PRKG1: variants seen among roughly 807,000 people sequenced by gnomAD.
The protein encoded by PRKG1 is cGMP-dependent protein kinase 1.
A neutral mutation model predicts 88.1 loss-of-function variants in PRKG1; 35 were observed. That is an observed-to-expected ratio of 0.40 (90% CI 0.30 to 0.53). The LOEUF (loss-of-function observed/expected upper bound fraction) is 0.53. PRKG1 is among the 20% of genes least tolerant of loss of function. The probability of loss-of-function intolerance (pLI) is 0.59; values close to 1 mark genes in which losing one functional copy is unlikely to be tolerated. For missense variants in PRKG1, 540 were observed against 839.8 expected (o/e 0.64, Z 4.41); for synonymous variants, 303 against 292.5 (o/e 1.04, Z -0.37).
Position 51,644,531 on chromosome 10 carries a change from A to G in PRKG1, c.593-160054A>G, listed in dbSNP as rs112655565. Among the ~76,000 whole-genome samples, 350 of 152,204 alleles carry G rather than the reference A, an allele frequency of 2.3e-3. 2 individuals carry two copies. Among genetic ancestry groups the G allele is most frequent in the African/African-American group, 7.6e-3 (315 of 41,520 alleles). On this transcript the variant is annotated intron_variant, in intron 3 of 17. Coordinates refer to ENST00000373980, the MANE Select transcript of PRKG1 (RefSeq NM_006258.4). ...TAATGCCTGAATTGTTCCAACTTAG[A>G]CCAGTGGGAGCCTATTCAAGTTTTA...
chr10:51,663,848 A>G (rs1041341110), intron 3 of PRKG1, among the ~76,000 whole-genome samples: 9 of 152,076 alleles, frequency 5.9e-5, no homozygotes, highest in African/African-American at 2.2e-4. Flanking sequence ...TCAAGGAAAC[A>G]TTGAAAATAT....
intron 9 of PRKG1, among the ~76,000 whole-genome samples, chr10:52,163,259 G>C (rs2132691243): frequency 6.7e-6 from 1 of 148,816 alleles, no homozygotes; most frequent in East Asian, 2.0e-4. Context: ...ATTCAGTTAA[G>C]GGTCTCATTG....
chr10:51,486,734 A>G (rs1267456509), intron 3 of PRKG1, among the ~76,000 whole-genome samples: 1 of 152,150 alleles, frequency 6.6e-6, no homozygotes, highest in Non-Finnish European at 1.5e-5. Flanking sequence ...TTCTTAGTAT[A>G]CTTTACCATC....
intron 3 of PRKG1, among the ~76,000 whole-genome samples, chr10:51,611,054 T>TTA (rs1554825556): frequency 1.4e-5 from 2 of 145,618 alleles, no homozygotes; most frequent in African/African-American, 5.0e-5. Flanking sequence ...AACTTACAGT[T>TTA]AAAAAAAAAA....
chr10:51,247,441 TGAG>T (rs1341559038), intron 2 of PRKG1, among the ~76,000 whole-genome samples: 6 of 151,928 alleles, frequency 3.9e-5, no homozygotes, highest in African/African-American at 7.2e-5. Flanking sequence ...CATATGCATA[TGAG>T]GAGAAGGAAA....
intron 2 of PRKG1, among the ~76,000 whole-genome samples, chr10:51,221,763 T>C (rs1049691200): frequency 4.6e-5 from 7 of 151,996 alleles, no homozygotes; most frequent in Non-Finnish European, 1.0e-4. Context: ...AAGGTAGTTA[T>C]CTAGTCCAAC....
intron 2 of PRKG1, among the ~76,000 whole-genome samples, chr10:51,399,749 AT>A (rs371757725): frequency 1.3e-5 from 2 of 151,762 alleles, no homozygotes; most frequent in Admixed American, 1.3e-4. Flanking sequence ...GTCAATGCAG[AT>A]TTTTTTTTGA....
intron 2 of PRKG1, among the ~76,000 whole-genome samples, chr10:51,281,953 T>C (rs912304268): frequency 2.0e-5 from 3 of 152,156 alleles, no homozygotes; most frequent in African/African-American, 4.8e-5. Flanking sequence ...GCATTTTTCA[T>C]AGTGGTGCTG....
chr10:52,070,989 C>T (rs1342001431), intron 7 of PRKG1, among the ~76,000 whole-genome samples: 2 of 151,984 alleles, frequency 1.3e-5, no homozygotes, highest in African/African-American at 4.8e-5. Flanking sequence ...TAGTGCTTGC[C>T]ACATAGGGTC....
At chr10:52,065,210 C>A (rs566503447) in intron 7 of PRKG1, among the ~76,000 whole-genome samples, 107 of 152,218 alleles carry the variant, frequency 7.0e-4, no homozygotes, top group Non-Finnish European at 3.2e-4. Flanking sequence ...TCTCAGTTAT[C>A]ATTAAATATA....
At chr10:51,485,835 T>C (rs1840517275) in intron 3 of PRKG1, among the ~76,000 whole-genome samples, 1 of 152,202 alleles carries the variant, frequency 6.6e-6, no homozygotes, top group African/African-American at 2.4e-5. Context: ...ACATCTTAAA[T>C]GTGCTATAGT....
At chr10:52,122,352 A>C (rs879047629) in intron 7 of PRKG1, among the ~76,000 whole-genome samples, 1 of 152,218 alleles carries the variant, frequency 6.6e-6, no homozygotes, top group African/African-American at 2.4e-5. Context: ...CTGTTGCATT[A>C]GTGATTAAGT....
intron 5 of PRKG1, among the ~76,000 whole-genome samples, chr10:52,029,112 G>A (rs568346872): frequency 9.2e-5 from 14 of 152,254 alleles, no homozygotes; most frequent in South Asian, 2.1e-4. Flanking sequence ...CTAATAGAGC[G>A]GGCTGGACTT....
intron 3 of PRKG1, among the ~76,000 whole-genome samples, chr10:51,507,302 A>T (rs1841248969): frequency 6.6e-6 from 1 of 151,894 alleles, no homozygotes; most frequent in Non-Finnish European, 1.5e-5. Flanking sequence ...AAAGTATAAA[A>T]AAAAATAAAA....
intron 1 of PRKG1, among the ~76,000 whole-genome samples, chr10:51,092,899 T>C (rs1844432971): frequency 6.6e-6 from 1 of 152,158 alleles, no homozygotes; most frequent in Non-Finnish European, 1.5e-5. Flanking sequence ...GGGAACCAGC[T>C]TGGATAAATA....
chr10:51,805,966 T>C (rs1166602151), intron 4 of PRKG1, among the ~76,000 whole-genome samples: 3 of 152,098 alleles, frequency 2.0e-5, no homozygotes, highest in African/African-American at 7.2e-5. Flanking sequence ...TTTAATATGG[T>C]TTTCAAGGGA....
At chr10:52,091,799 G>A (rs1343741524) in intron 7 of PRKG1, among the ~76,000 whole-genome samples, 3 of 152,214 alleles carry the variant, frequency 2.0e-5, no homozygotes, top group African/African-American at 4.8e-5. Flanking sequence ...ATGCATTAAA[G>A]TGGTGATAGG....
intron 2 of PRKG1, among the ~76,000 whole-genome samples, chr10:51,312,736 T>TA (rs1841222442): frequency 6.6e-6 from 1 of 151,318 alleles, no homozygotes; most frequent in African/African-American, 2.4e-5. Flanking sequence ...TACCTAAACT[T>TA]ATTTATAGAC....
chr10:51,042,350 C>A (rs188733841), intron 1 of PRKG1, among the ~76,000 whole-genome samples: 33 of 152,264 alleles, frequency 2.2e-4, no homozygotes, highest in Non-Finnish European at 3.8e-4. Flanking sequence ...TCTGATATTT[C>A]CCACTACCTC....
Sources: allele counts gnomAD v4.1 joint callset (sites outside exome capture counted in the v4.1 genomes callset), GRCh38; gene constraint gnomAD v4.1.1; transcripts MANE v1.5; gene names NCBI Gene and HGNC (gene_info 2026-07-23, HGNC 2026-07-21).